ZNF469: variants seen among roughly 807,000 people sequenced by gnomAD.
The protein encoded by ZNF469 is zinc finger protein 469.
Under a neutral mutation model 1.0 loss-of-function variants are expected in ZNF469, and 1 was observed. The observed-to-expected ratio is 1.00, with a 90% CI of 0.35 to 4.73. The LOEUF is 4.73. Among genes scored for constraint, ZNF469 ranks in the 30% most tolerant of loss-of-function variants. ZNF469 has a pLI of 0.16. For missense variants in ZNF469, 6,100 were observed against 5,356.3 expected (o/e 1.14, Z -4.33); for synonymous variants, 2,703 against 2,363.4 (o/e 1.14, Z -4.17).
the ZNF469 span, among the ~76,000 whole-genome samples, chr16:88,270,257 C>T: frequency 6.6e-5 from 10 of 152,300 alleles, no homozygotes; most frequent in South Asian, 1.5e-3. Flanking sequence ...CCTTGACCTT[C>T]GGCCTCCCAG....
chr16:88,351,602 G>A, the ZNF469 span, among the ~76,000 whole-genome samples: 1 of 152,174 alleles, frequency 6.6e-6, no homozygotes. Context: ...AGGGGCCGCC[G>A]ACGCTCCAAT....
At chr16:88,352,214 G>A in the ZNF469 span, among the ~76,000 whole-genome samples, 1 of 152,186 alleles carries the variant, frequency 6.6e-6, no homozygotes, top group Non-Finnish European at 1.5e-5. Flanking sequence ...GGTGCACAAT[G>A]CCATGGACAA....
the ZNF469 span, among the ~76,000 whole-genome samples, chr16:88,274,314 T>C: frequency 6.6e-6 from 1 of 151,990 alleles, no homozygotes; most frequent in African/African-American, 2.4e-5. Context: ...CTGAAGAGAG[T>C]TCTGTGGATG....
the ZNF469 span, among the ~76,000 whole-genome samples, chr16:88,268,678 C>T: frequency 3.3e-5 from 5 of 152,312 alleles, no homozygotes; most frequent in Admixed American, 2.6e-4. Flanking sequence ...TGACCTGGGC[C>T]GCTGGGCTGA....
chr16:88,432,615 GC>G lies in ZNF469; in HGVS notation c.5152del (p.Gln1718LysfsTer21). On this transcript the variant is annotated frameshift_variant, in exon 3 of 3. Coordinates refer to ENST00000565624, the MANE Select transcript of ZNF469 (RefSeq NM_001367624.2). LOFTEE classifies it low-confidence loss of function (END_TRUNC). ...TTTGCCAGGCAGAAGGAGACAGCAG[GC>G]CCCCCCAAGATGTCTGCCTGCCTGA... is the stretch of plus-strand genomic sequence containing the variant. ...GLCQAEGDSR[P>X]PQDVCLPEPS... 1 of 1,550,326 alleles carries G rather than the reference GC, an allele frequency of 6.5e-7. No individual in the cohort carries two copies. Among genetic ancestry groups the G allele is most frequent in the East Asian group, 2.4e-5 (1 of 40,914 alleles).
the ZNF469 span, among the ~76,000 whole-genome samples, chr16:88,140,473 A>AGCCATGTAGAAATCGG: frequency 6.6e-6 from 1 of 151,240 alleles, no homozygotes; most frequent in African/African-American, 2.5e-5. Flanking sequence ...GGTAGCACGG[A>AGCCATGTAGAAATCGG]AAGTCAGTGA....
At chr16:88,418,526 T>A (rs1905364084) in intron 1 of ZNF469, among the ~76,000 whole-genome samples, 1 of 152,098 alleles carries the variant, frequency 6.6e-6, no homozygotes, top group Non-Finnish European at 1.5e-5. Context: ...GGGCTCCGTC[T>A]TTAAGCACAA....
chr16:88,187,758 C>G, the ZNF469 span, among the ~76,000 whole-genome samples: 623 of 142,790 alleles, frequency 4.4e-3, 2 homozygotes, highest in African/African-American at 0.015. Context: ...CAAAACCAGA[C>G]AGAATGCTGT....
the ZNF469 span, among the ~76,000 whole-genome samples, chr16:88,297,352 A>G: frequency 6.6e-6 from 1 of 152,196 alleles, no homozygotes; most frequent in Non-Finnish European, 1.5e-5. Flanking sequence ...GGGTGCGTGC[A>G]TGACAAGGCT....
the ZNF469 span, among the ~76,000 whole-genome samples, chr16:88,292,974 T>C: frequency 5.3e-5 from 8 of 152,284 alleles, no homozygotes; most frequent in African/African-American, 1.9e-4. Context: ...CCTGGGGTCT[T>C]CCTCATCCTT....
the ZNF469 span, among the ~76,000 whole-genome samples, chr16:88,176,768 C>T: frequency 7.8e-4 from 119 of 152,390 alleles, no homozygotes; most frequent in African/African-American, 2.7e-3. Flanking sequence ...CAACCCCCAA[C>T]GCCCAGCGCA....
At chr16:88,383,638 G>T (rs2092530935) in intron 1 of ZNF469, among the ~76,000 whole-genome samples, 1 of 150,684 alleles carries the variant, frequency 6.6e-6, no homozygotes, top group African/African-American at 2.4e-5. Flanking sequence ...GCTGCGGGGA[G>T]CGGGGCCCGG....
intron 1 of ZNF469, among the ~76,000 whole-genome samples, chr16:88,398,880 G>A (rs1904774811): frequency 6.6e-6 from 1 of 152,206 alleles, no homozygotes; most frequent in Non-Finnish European, 1.5e-5. Flanking sequence ...CAAAGCAGAG[G>A]ACGACAGTCA....
the ZNF469 span, among the ~76,000 whole-genome samples, chr16:88,375,841 G>A: frequency 2.6e-5 from 4 of 152,334 alleles, no homozygotes; most frequent in East Asian, 1.9e-4. Flanking sequence ...CAGAAGGAAC[G>A]ACTGGGCTCC....
chr16:88,418,461 C>T (rs549217777), intron 1 of ZNF469, among the ~76,000 whole-genome samples: 44 of 152,234 alleles, frequency 2.9e-4, no homozygotes, highest in African/African-American at 8.2e-4. Context: ...GGGGGGCTGC[C>T]GTTCTTGCCT....
the ZNF469 span, among the ~76,000 whole-genome samples, chr16:88,134,553 T>A: frequency 4.6e-5 from 7 of 152,180 alleles, no homozygotes; most frequent in African/African-American, 1.7e-4. Context: ...TTATTTAGAG[T>A]AAGTTCCTGG....
At chr16:88,301,731 A>C in the ZNF469 span, among the ~76,000 whole-genome samples, 1 of 152,324 alleles carries the variant, frequency 6.6e-6, no homozygotes, top group South Asian at 2.1e-4. Context: ...GTCTCCGCCC[A>C]GCTCTCTTGT....
chr16:88,349,825 C>CATGACACTACACACAAAT, the ZNF469 span, among the ~76,000 whole-genome samples: 1 of 128,972 alleles, frequency 7.8e-6, no homozygotes, highest in Non-Finnish European at 1.7e-5. Context: ...AATGCACACA[C>CATGACACTACACACAAAT]ACGAGGCACC....
the ZNF469 span, among the ~76,000 whole-genome samples, chr16:88,320,979 A>G: frequency 2.6e-5 from 4 of 152,240 alleles, no homozygotes; most frequent in African/African-American, 9.6e-5. Flanking sequence ...TGGATAGATG[A>G]ACAGGCGAAT....
Sources: allele counts gnomAD v4.1 joint callset (sites outside exome capture counted in the v4.1 genomes callset), GRCh38; gene constraint gnomAD v4.1.1; transcripts MANE v1.5; gene names NCBI Gene and HGNC (gene_info 2026-07-23, HGNC 2026-07-21).